Variants in NCOA7 observed in about 807,000 individuals in gnomAD.
The protein encoded by NCOA7 is nuclear receptor coactivator 7, also known as 140 kDa estrogen receptor-associated protein.
NCOA7 carries 45 observed loss-of-function variants against 104.3 expected under a neutral mutation model. The ratio of observed to expected loss-of-function variants is 0.43; its 90% CI spans 0.34 to 0.55. The LOEUF is 0.55. Among genes scored for constraint, NCOA7 ranks in the 20% least tolerant of loss-of-function variants. The probability of loss-of-function intolerance (pLI) is 0.02; values close to 1 mark genes in which losing one functional copy is unlikely to be tolerated. For missense variants in NCOA7, 1,041 were observed against 1,119.7 expected, an observed-to-expected ratio of 0.93 and a Z score of 1.00; for synonymous variants, 398 against 402.3, an observed-to-expected ratio of 0.99 and a Z score of 0.13.
At chr6:125,928,568 A>G in intron 15 of NCOA7, 68 bp from the exon 16 acceptor site, 1 of 1,527,496 alleles carries the variant, frequency 6.5e-7, no homozygotes, top group Middle Eastern at 1.8e-4. Context: ...AGATGGGGGC[A>G]AGAGAGAATA....
At chr6:125,798,491 G>A (rs1211754756) in intron 1 of NCOA7, among the ~76,000 whole-genome samples, 1 of 152,134 alleles carries the variant, frequency 6.6e-6, no homozygotes, top group Non-Finnish European at 1.5e-5. Flanking sequence ...TATCAAGGGT[G>A]TTACTGTAAA....
intron 2 of NCOA7, among the ~76,000 whole-genome samples, chr6:125,831,671 A>C (rs1341355917): frequency 6.6e-6 from 1 of 152,102 alleles, no homozygotes; most frequent in African/African-American, 2.4e-5. Context: ...AAAGCTAAAA[A>C]TAGGATTGGA....
chr6:125,927,555 C>T, intron 13 of NCOA7, 108 bp from the exon 14 acceptor site: 1 of 809,246 alleles, frequency 1.2e-6, no homozygotes, highest in South Asian at 1.6e-5. Context: ...TAGTAATAAT[C>T]TTTGCTGAAA....
chr6:125,846,417 G>A (rs112362546), intron 2 of NCOA7, among the ~76,000 whole-genome samples: 11 of 148,070 alleles, frequency 7.4e-5, no homozygotes, highest in African/African-American at 2.3e-4. Flanking sequence ...ACTCTTCTCC[G>A]CCAAGGGCAA....
intron 1 of NCOA7, among the ~76,000 whole-genome samples, chr6:125,799,717 C>T (rs1775710756): frequency 6.6e-6 from 1 of 152,162 alleles, no homozygotes; most frequent in Non-Finnish European, 1.5e-5. Context: ...GCTGGGTTTA[C>T]AGACATGAAC....
chr6:125,804,226 A>C (rs1380026009), intron 1 of NCOA7, among the ~76,000 whole-genome samples: 1 of 152,238 alleles, frequency 6.6e-6, no homozygotes, highest in Non-Finnish European at 1.5e-5. Flanking sequence ...TCTGTCTGTT[A>C]GTATTAAAAT....
intron 1 of NCOA7, among the ~76,000 whole-genome samples, chr6:125,813,393 T>C (rs1777247973): frequency 6.6e-6 from 1 of 152,128 alleles, no homozygotes; most frequent in African/African-American, 2.4e-5. Flanking sequence ...AATTTTGTCT[T>C]CTTGCTTTTG....
intron 1 of NCOA7, among the ~76,000 whole-genome samples, chr6:125,795,876 G>T (rs1458669323): frequency 6.6e-6 from 1 of 152,156 alleles, no homozygotes; most frequent in Non-Finnish European, 1.5e-5. Flanking sequence ...AGTTCAAGTT[G>T]TCATCATGCA....
chr6:125,843,484 G>A (rs1381711035), intron 2 of NCOA7, among the ~76,000 whole-genome samples: 1 of 152,188 alleles, frequency 6.6e-6, no homozygotes, highest in African/African-American at 2.4e-5. Context: ...ATTTAACTAT[G>A]TTAAATAAGC....
Position 125,928,124 on chromosome 6 carries a change from A to G in NCOA7, c.2620-50A>G, listed in dbSNP as rs750994986. On this transcript the variant is annotated intron_variant, in intron 14 of 15. Coordinates refer to ENST00000392477, the MANE Select transcript of NCOA7 (RefSeq NM_181782.5). Reference sequence around the variant, plus strand: ...TACTATTTCATATTTCCTCATTGCTAATTCTCCAGATTAAAATGTCTGTTT... The same window carrying G: ...TACTATTTCATATTTCCTCATTGCTGATTCTCCAGATTAAAATGTCTGTTT... The G allele has an allele frequency of 2.7e-6, 4 of 1,482,722 alleles. No homozygotes were observed. In the Admixed American group the frequency reaches 5.2e-5, roughly 19 times the overall value. The allele number at this position is 1,482,722 out of a possible 1,614,324, so 91.8% of individuals were successfully genotyped here.
At chr6:125,897,293 A>C (rs756023667) in intron 10 of NCOA7, among the ~76,000 whole-genome samples, 8 of 152,224 alleles carry the variant, frequency 5.3e-5, no homozygotes, top group Non-Finnish European at 8.8e-5. Context: ...AAGAAATGGT[A>C]CCTTTTCTTT....
intron 8 of NCOA7, among the ~76,000 whole-genome samples, chr6:125,887,426 G>A (rs1784341357): frequency 6.6e-6 from 1 of 152,190 alleles, no homozygotes; most frequent in East Asian, 1.9e-4. Context: ...GTGTTTGCAA[G>A]TTCCTGCAGA....
chr6:125,888,919 C>T lies in NCOA7; in HGVS notation c.885-20C>T. On this transcript the variant is annotated intron_variant, in intron 8 of 15. Transcript: ENST00000392477. Reference sequence around the variant, plus strand: ...TTATTTTTAACATTCCATGTGCACCCACCATTTCTCCCCCAACAGTGACCT... The same window carrying T: ...TTATTTTTAACATTCCATGTGCACCTACCATTTCTCCCCCAACAGTGACCT... 6.4e-7 allele frequency: 1 copy of T among 1,553,352 alleles called. No homozygotes were observed. The highest frequency in any genetic ancestry group is 8.7e-7 in the Non-Finnish European group (1 of 1,149,314).
intron 2 of NCOA7, among the ~76,000 whole-genome samples, chr6:125,836,743 A>G (rs1454010546): frequency 6.6e-6 from 1 of 152,198 alleles, no homozygotes; most frequent in Non-Finnish European, 1.5e-5. Context: ...AAAACCACAT[A>G]AACAAGTACA....
chr6:125,928,835 G>T lies in NCOA7; in HGVS notation c.*64G>T. On this transcript the variant is annotated 3_prime_UTR_variant, in exon 16 of 16. Transcript: ENST00000392477. ...GGTTCGATCAGCCCTCCTAAAGCTG[G>T]CTGGAAAAAGAAGCCCCAGCCCAGC... 6.5e-7 allele frequency: 1 copy of T among 1,542,136 alleles called. No homozygotes were observed. Among genetic ancestry groups the T allele is most frequent in the South Asian group, 1.3e-5 (1 of 79,342 alleles).
chr6:125,922,106 A>G (rs765469457), intron 12 of NCOA7, among the ~76,000 whole-genome samples: 6 of 152,232 alleles, frequency 3.9e-5, no homozygotes, highest in Non-Finnish European at 8.8e-5. Flanking sequence ...AAGACTCAGC[A>G]CTTCATGGCC....
chr6:125,806,850 A>G (rs1337515198), intron 1 of NCOA7, among the ~76,000 whole-genome samples: 1 of 152,226 alleles, frequency 6.6e-6, no homozygotes, highest in African/African-American at 2.4e-5. Flanking sequence ...TGATTTTATA[A>G]AATTAAGTGT....
chr6:125,882,641 A>T, intron 7 of NCOA7, 90 bp downstream of exon 7: 1 of 1,477,820 alleles, frequency 6.8e-7, no homozygotes, highest in Non-Finnish European at 9.1e-7. Context: ...CTACATTAAA[A>T]GATCTTACCC....
chr6:125,858,507 C>T (rs1781777338), intron 3 of NCOA7, among the ~76,000 whole-genome samples: 1 of 151,814 alleles, frequency 6.6e-6, no homozygotes, highest in Non-Finnish European at 1.5e-5. Flanking sequence ...CATAGTAGCA[C>T]ACACCTGTAG....
Sources: gnomAD v4.1 joint callset for allele counts (sites outside exome capture counted in the v4.1 genomes callset) on GRCh38, gnomAD v4.1.1 for gene constraint, MANE v1.5 for transcripts, NCBI Gene and HGNC (gene_info 2026-07-23, HGNC 2026-07-21) for gene names.